FADS2: variants seen among roughly 807,000 people sequenced by gnomAD.
FADS2 encodes fatty acid desaturase 2, also known as acyl-CoA 6-desaturase.
FADS2 carries 18 observed loss-of-function variants against 61.2 expected under a neutral mutation model. The observed-to-expected ratio is 0.29, with a 90% CI of 0.20 to 0.44. The LOEUF is 0.44. Ranked by LOEUF, FADS2 falls within the 20% of genes least tolerant of loss-of-function variation. The probability of loss-of-function intolerance (pLI) is 1.00; values close to 1 mark genes in which losing one functional copy is unlikely to be tolerated. For synonymous variants in FADS2, 203 were observed against 223.9 expected (o/e 0.91, Z 0.83); for missense variants, 322 against 572.7 (o/e 0.56, Z 4.47).
In FADS2 at chr11:61,865,957, G is replaced by C. The variant is rs564965904; in HGVS notation, c.*268G>C. On this transcript the variant is annotated 3_prime_UTR_variant, in exon 12 of 12. Transcript: ENST00000278840. This position sits in a 1 kb window ranked among gnomAD's most constrained non-coding sequence, Gnocchi z 4.1. ...TCCTAGCCCCTTCTTCCAAGGAGCA[G>C]AGAGGTGGCCACCGGGGGTGGCTCT... 1.9e-6 allele frequency: 1 copy of C among 516,228 alleles called. No individual in the cohort carries two copies. The highest frequency in any genetic ancestry group is 3.5e-6 in the Non-Finnish European group (1 of 289,224). The allele number at this position is 516,228 out of a possible 1,614,324, so 32.0% of individuals were successfully genotyped here.
chr11:61,840,545 C>T lies in FADS2; in HGVS notation c.516+14C>T, dbSNP rs1479258898. 1 of 1,613,016 alleles carries T rather than the reference C, an allele frequency of 6.2e-7. No individual in the cohort carries two copies. Among genetic ancestry groups the T allele is most frequent in the Non-Finnish European group, 8.5e-7 (1 of 1,178,974 alleles). On this transcript the variant is annotated intron_variant, in intron 3 of 11. Transcript: ENST00000278840. The stretch of plus-strand genomic sequence containing the variant: ...GCTACCTCTCAGGTGAGGCGTGACA[C>T]CCTCACTTCCCCTAGCTGACAGAGG...
In FADS2 at chr11:61,840,652, A is replaced by T; in HGVS notation, c.545A>T (p.Tyr182Phe). 3.7e-6 allele frequency: 6 copies of T among 1,614,180 alleles called. No individual in the cohort carries two copies. The highest frequency in any genetic ancestry group is 5.1e-6 in the Non-Finnish European group (6 of 1,180,028). The change falls in exon 4 of 12, where the codon TAT becomes TTT. Residue 182 changes from tyrosine to phenylalanine, a missense_variant. This residue lies in a region of FADS2 where 221 missense variants were observed against 427.9 expected (regional missense o/e 0.52). Coordinates refer to ENST00000278840, the MANE Select transcript of FADS2 (RefSeq NM_004265.4). ...QAQAGWLQHD[Y>F]GHLSVYRKPK... is the part of the protein sequence containing the mutation. ...CAAGCTGGATGGCTGCAACATGATT[A>T]TGGCCACCTGTCTGTCTACAGAAAA...
At chr11:61,851,847 T>C (rs548088425) in intron 5 of FADS2, among the ~76,000 whole-genome samples, 1 of 152,398 alleles carries the variant, frequency 6.6e-6, no homozygotes. Context: ...GTCTTATTGA[T>C]GCTGTCCAGG....
At chr11:61,824,515 G>GAA (rs2067065520), upstream of FADS2, among the ~76,000 whole-genome samples, 1 of 121,302 alleles carries the variant, frequency 8.2e-6, no homozygotes, top group Non-Finnish European at 1.8e-5. Context: ...AAGAAAGAAA[G>GAA]AAAGAAAGAA....
chr11:61,857,207 C>T, intron 6 of FADS2, 136 bp downstream of exon 6: 1 of 823,302 alleles, frequency 1.2e-6, no homozygotes, highest in East Asian at 2.6e-5. Context: ...GCCACAGCAG[C>T]CTTGCTGTGC....
In FADS2 at chr11:61,864,076, C is replaced by T. The variant is rs142340157; in HGVS notation, c.1157+290C>T. 643 of 418,698 alleles carry T rather than the reference C, an allele frequency of 1.5e-3. 2 individuals carry two copies. Among genetic ancestry groups the T allele is most frequent in the African/African-American group, 0.011 (583 of 51,298 alleles). 25.9% of individuals were successfully genotyped at this position (418,698 alleles called of 1,614,324 possible). On this transcript the variant is annotated intron_variant, in intron 10 of 11. Transcript: ENST00000278840. ...ACTTTGTAGTTATGGAGCCTGCACA[C>T]GCACCTCATGACCCTGTGAGGCTAG...
upstream of FADS2, chr11:61,826,352 A>T: frequency 1.4e-6 from 1 of 702,560 alleles, no homozygotes; most frequent in Non-Finnish European, 2.6e-6. Context: ...CACGCTTCTC[A>T]GCCACCCTAC....
At chr11:61,853,170 AC>A (rs1234219163) in intron 5 of FADS2, among the ~76,000 whole-genome samples, 2 of 151,144 alleles carry the variant, frequency 1.3e-5, no homozygotes, top group African/African-American at 4.9e-5. Context: ...AACAACAACA[AC>A]AACAACAACA....
At chr11:61,822,197 C>T (rs2067040855) in intron 1 of FADS2, among the ~76,000 whole-genome samples, 1 of 152,202 alleles carries the variant, frequency 6.6e-6, no homozygotes. Flanking sequence ...TCTCCATCTC[C>T]TGACTTGGTG....
At chr11:61,845,001 AGTTT>A (rs2067245678) in intron 4 of FADS2, among the ~76,000 whole-genome samples, 1 of 115,488 alleles carries the variant, frequency 8.7e-6, no homozygotes, top group South Asian at 2.9e-4. Context: ...GTTATCGATG[AGTTT>A]GTTTCCATTA....
chr11:61,840,293 G>A (rs765451474), intron 2 of FADS2, 41 bp from the exon 3 acceptor site: 2 of 1,513,334 alleles, frequency 1.3e-6, no homozygotes, highest in Admixed American at 1.7e-5. Flanking sequence ...CCTCCAGAGT[G>A]GCTGGTGGCT....
rs752116889 is a variant in FADS2, at chr11:61,857,414, G to A, written c.806-40G>A. On this transcript the variant is annotated intron_variant, in intron 6 of 11. Coordinates refer to ENST00000278840, the MANE Select transcript of FADS2 (RefSeq NM_004265.4). ...CCCCTGACCTTCCGGCACAGGCAGG[G>A]TGGAATGGATGCCTCTAAGCGCCTG... 3.2e-4 allele frequency: 508 copies of A among 1,582,526 alleles called. 1 individual carries two copies. Among genetic ancestry groups the A allele is most frequent in the Non-Finnish European group, 3.8e-4 (441 of 1,152,570 alleles).
chr11:61,866,262 C>G lies in FADS2; in HGVS notation c.*573C>G, dbSNP rs1472254636. 3 of 352,558 alleles carry G rather than the reference C, an allele frequency of 8.5e-6. No individual in the cohort carries two copies. The highest frequency in any genetic ancestry group is 6.3e-5 in the African/African-American group (3 of 47,706). The allele number at this position is 352,558 out of a possible 1,614,324, so 21.8% of individuals were successfully genotyped here. ...TCCCTCCTGCAGCTCGGTTAAGTAC[C>G]CGAGGCCTCTCTTAAGATGTCCAGG... On this transcript the variant is annotated 3_prime_UTR_variant, in exon 12 of 12. Transcript: ENST00000278840.
upstream of FADS2, chr11:61,828,220 C>A (rs1176934255): frequency 2.1e-6 from 3 of 1,431,828 alleles, no homozygotes; most frequent in East Asian, 7.6e-5. This position sits in a 1 kb window ranked among gnomAD's most constrained non-coding sequence, Gnocchi z 6.4. Flanking sequence ...CACTCCCGAG[C>A]GCAGGCGAGA....
chr11:61,820,260 T>C (rs2067027503), intron 1 of FADS2, among the ~76,000 whole-genome samples: 1 of 151,964 alleles, frequency 6.6e-6, no homozygotes, highest in South Asian at 2.1e-4. Flanking sequence ...GTCTCCTCTT[T>C]GTATTCCCAG....
chr11:61,829,031 C>T (rs1176387013), intron 1 of FADS2, among the ~76,000 whole-genome samples: 1 of 152,258 alleles, frequency 6.6e-6, no homozygotes, highest in East Asian at 1.9e-4. Context: ...GTGTGGGACT[C>T]CGCGCTTGTC....
At chr11:61,846,484 C>A (rs915006039) in intron 4 of FADS2, 1 of 150,838 alleles carries the variant, frequency 6.6e-6, no homozygotes, top group African/African-American at 2.4e-5. Flanking sequence ...CCTGAGGTTA[C>A]TGCAAAGGCC....
chr11:61,828,053 C>G (rs1042678424), upstream of FADS2: 5 of 1,178,772 alleles, frequency 4.2e-6, no homozygotes, highest in Non-Finnish European at 5.3e-6. This position sits in a 1 kb window ranked among gnomAD's most constrained non-coding sequence, Gnocchi z 6.4. Context: ...GCGGGGGGAG[C>G]CGGAGGGGCG....
chr11:61,834,152 G>A (rs538339988), intron 1 of FADS2, among the ~76,000 whole-genome samples: 11 of 152,342 alleles, frequency 7.2e-5, no homozygotes, highest in Admixed American at 3.3e-4. Flanking sequence ...GCTGAGTCCC[G>A]AATGGAGGCA....
Sources: allele counts gnomAD v4.1 joint callset (sites outside exome capture counted in the v4.1 genomes callset), GRCh38; gene constraint gnomAD v4.1.1; regional missense constraint gnomAD v4.1.1; non-coding constraint Gnocchi (gnomAD v3.1); transcripts MANE v1.5; gene names NCBI Gene and HGNC (gene_info 2026-07-23, HGNC 2026-07-21).